The following UNC5D variants were observed in gnomAD, a reference collection of about 807,000 sequenced individuals.
UNC5D encodes netrin receptor UNC5D.
In UNC5D, 39 loss-of-function variants were observed where a neutral mutation model predicts 105.4. The ratio of observed to expected loss-of-function variants is 0.37; its 90% CI spans 0.29 to 0.48. UNC5D has a LOEUF of 0.48. Ranked by LOEUF, UNC5D falls within the 20% of genes least tolerant of loss-of-function variation. UNC5D has a pLI of 0.98. For synonymous variants in UNC5D, 452 were observed against 450.4 expected, an observed-to-expected ratio of 1.00 and a Z score of -0.04; for missense variants, 991 against 1,202.4, an observed-to-expected ratio of 0.82 and a Z score of 2.60.
intron 15 of UNC5D, among the ~76,000 whole-genome samples, chr8:35,772,534 G>C (rs1194262397): frequency 6.6e-6 from 1 of 152,152 alleles, no homozygotes; most frequent in Non-Finnish European, 1.5e-5. Flanking sequence ...CAGGATTTCA[G>C]GGAGGGAAGG....
At chr8:35,336,538 C>G (rs16883835) in intron 1 of UNC5D, among the ~76,000 whole-genome samples, 3 of 152,100 alleles carry the variant, frequency 2.0e-5, no homozygotes, top group Non-Finnish European at 4.4e-5. Context: ...TTCAATGCTG[C>G]TACTCTTTTG....
chr8:35,248,056 T>C (rs1425443167), intron 1 of UNC5D, among the ~76,000 whole-genome samples: 1 of 66,086 alleles, frequency 1.5e-5, no homozygotes, highest in Non-Finnish European at 2.5e-5. Context: ...ATATATAATA[T>C]ATAAATATAT....
intron 1 of UNC5D, among the ~76,000 whole-genome samples, chr8:35,273,995 G>A (rs2950914): frequency 0.82 from 125,099 of 151,790 alleles, 51,912 homozygotes; most frequent in East Asian, 1. Context: ...TCAATTTATC[G>A]TGGTTTTTTT....
At chr8:35,293,218 C>A (rs1324153283) in intron 1 of UNC5D, among the ~76,000 whole-genome samples, 1 of 152,082 alleles carries the variant, frequency 6.6e-6, no homozygotes, top group Non-Finnish European at 1.5e-5. Flanking sequence ...GCAGGAGAGG[C>A]AGGCACATTT....
At chr8:35,542,758 G>A (rs138913300) in intron 1 of UNC5D, among the ~76,000 whole-genome samples, 27 of 152,148 alleles carry the variant, frequency 1.8e-4, no homozygotes, top group South Asian at 6.2e-4. Context: ...TATAAGCAAC[G>A]GTCCATATCA....
At chr8:35,245,976 C>G (rs1033249714) in intron 1 of UNC5D, among the ~76,000 whole-genome samples, 8 of 152,166 alleles carry the variant, frequency 5.3e-5, no homozygotes, top group African/African-American at 1.9e-4. Flanking sequence ...ACTTCACTCT[C>G]CATGGTGTCT....
chr8:35,386,217 G>A lies in UNC5D; in HGVS notation c.103+150330G>A, dbSNP rs1585721861. ...AGTCTCCTGTCACTGATTTTTTTAA[G>A]CCACTTAAACCAAACCCTATCAGAG... On this transcript the variant is annotated intron_variant, in intron 1 of 16. Coordinates refer to ENST00000404895, the MANE Select transcript of UNC5D (RefSeq NM_080872.4). Among the ~76,000 whole-genome samples, 3 of 152,018 alleles carry A rather than the reference G, an allele frequency of 2.0e-5. No homozygotes were observed. In the East Asian group the frequency reaches 5.8e-4, roughly 29 times the overall value.
intron 1 of UNC5D, among the ~76,000 whole-genome samples, chr8:35,272,351 G>A (rs534263522): frequency 2.8e-4 from 42 of 152,202 alleles, no homozygotes; most frequent in African/African-American, 9.2e-4. Flanking sequence ...ACCAGCTTGC[G>A]GGAAGTTCAC....
intron 1 of UNC5D, among the ~76,000 whole-genome samples, chr8:35,515,145 T>C (rs1813026185): frequency 6.6e-6 from 1 of 152,212 alleles, no homozygotes; most frequent in African/African-American, 2.4e-5. Flanking sequence ...TCTTCACCTT[T>C]ATGTTGTAAC....
At chr8:35,340,601 A>G (rs943365660) in intron 1 of UNC5D, among the ~76,000 whole-genome samples, 1 of 152,202 alleles carries the variant, frequency 6.6e-6, no homozygotes, top group Non-Finnish European at 1.5e-5. Flanking sequence ...TCTGGTACCC[A>G]GGTCCAGAAT....
In UNC5D at chr8:35,491,395, G is replaced by T. The variant is rs149934452; in HGVS notation, c.104-57897G>T. Among the ~76,000 whole-genome samples, 520 of 152,072 alleles carry T rather than the reference G, an allele frequency of 3.4e-3. 6 individuals carry two copies. The highest frequency in any genetic ancestry group is 0.011 in the African/African-American group (477 of 41,498). ...CTTGGCTTTAAACAATAGGCCAATG[G>T]GTGATAAATTAGATTATACCTGGCT... On this transcript the variant is annotated intron_variant, in intron 1 of 16. Transcript: ENST00000404895.
At position 35,556,943 on chromosome 8, in the gene UNC5D, G is replaced by A. The variant is rs569363931; in HGVS notation, c.322+7433G>A. 1.1e-4 allele frequency among the ~76,000 whole-genome samples: 17 copies of A among 152,270 alleles called. No individual in the cohort carries two copies. The South Asian group carries it at 3.5e-3, about 32-fold the overall frequency. On this transcript the variant is annotated intron_variant, in intron 2 of 16. Coordinates refer to ENST00000404895, the MANE Select transcript of UNC5D (RefSeq NM_080872.4). Reference sequence around the variant, plus strand: ...AACACCTTTGATAGTAGCACTGTAGGTGATACAAGTGGTACAATATATGTC... The same window carrying A: ...AACACCTTTGATAGTAGCACTGTAGATGATACAAGTGGTACAATATATGTC...
At chr8:35,409,311 CT>C (rs948287633) in intron 1 of UNC5D, among the ~76,000 whole-genome samples, 3 of 152,054 alleles carry the variant, frequency 2.0e-5, no homozygotes, top group African/African-American at 7.2e-5. Flanking sequence ...TAGCAACTCT[CT>C]CCCAAAGAGG....
rs146170851 is a variant in UNC5D, at chr8:35,719,262, GA to G, written c.1118-2945del. Among the ~76,000 whole-genome samples the G allele has an allele frequency of 2.1e-3, 318 of 151,506 alleles. 3 individuals carry two copies. The highest frequency in any genetic ancestry group is 7.3e-3 in the African/African-American group (300 of 41,294). On this transcript the variant is annotated intron_variant, in intron 8 of 16. Transcript: ENST00000404895. The stretch of plus-strand genomic sequence containing the variant: ...ACCTTGGGGCCAGTACTGAACACAT[GA>G]AAGAGAATCACTTCAACTTTTGTAA...
chr8:35,596,259 T>C (rs1819485853), intron 4 of UNC5D, among the ~76,000 whole-genome samples: 1 of 152,188 alleles, frequency 6.6e-6, no homozygotes. Flanking sequence ...TCTTGAATGT[T>C]TTCTAGAACT....
At chr8:35,583,552 G>A (rs889845035) in intron 3 of UNC5D, among the ~76,000 whole-genome samples, 2 of 152,148 alleles carry the variant, frequency 1.3e-5, no homozygotes, top group Admixed American at 6.5e-5. Flanking sequence ...CCTAGGACTC[G>A]ATTTTCTCAT....
chr8:35,683,433 T>G, intron 4 of UNC5D, 114 bp from the exon 5 acceptor site: 1 of 1,049,452 alleles, frequency 9.5e-7, no homozygotes. Context: ...ATCATTGCTG[T>G]TGCTCTATAT....
chr8:35,446,577 T>C (rs1460551692), intron 1 of UNC5D, among the ~76,000 whole-genome samples: 3 of 152,008 alleles, frequency 2.0e-5, no homozygotes, highest in Non-Finnish European at 4.4e-5. Context: ...CTGGGTATGG[T>C]TTAGTAAATA....
At chr8:35,762,359 G>A (rs1198247132) in intron 14 of UNC5D, among the ~76,000 whole-genome samples, 1 of 152,130 alleles carries the variant, frequency 6.6e-6, no homozygotes, top group Non-Finnish European at 1.5e-5. Context: ...GGTTCTGGAG[G>A]ATTACAATTT....
Sources: allele counts gnomAD v4.1 joint callset (sites outside exome capture counted in the v4.1 genomes callset), GRCh38; gene constraint gnomAD v4.1.1; transcripts MANE v1.5; gene names NCBI Gene and HGNC (gene_info 2026-07-23, HGNC 2026-07-21).